Variants in EPHB2 observed in about 807,000 individuals in gnomAD.
EPHB2 encodes the protein EPH receptor B2, also known as ephrin type-B receptor 2.
Under a neutral mutation model 96.4 loss-of-function variants are expected in EPHB2, and 18 were observed. The ratio of observed to expected loss-of-function variants is 0.19; its 90% confidence interval spans 0.13 to 0.28. The LOEUF (loss-of-function observed/expected upper bound fraction) is 0.28. Among genes scored for constraint, EPHB2 ranks in the 10% least tolerant of loss-of-function variants. EPHB2 has a pLI of 1.00. For synonymous variants in EPHB2, 506 were observed against 534.1 expected (o/e 0.95, Z 0.72); for missense variants, 989 against 1,355.4 (o/e 0.73, Z 4.25).
At chr1:22,841,576 T>C (rs986108867) in intron 3 of EPHB2, among the ~76,000 whole-genome samples, 2 of 152,048 alleles carry the variant, frequency 1.3e-5, no homozygotes, top group Non-Finnish European at 2.9e-5. Flanking sequence ...CTCGAGGCTG[T>C]GGGGGTGGAA....
In EPHB2 at chr1:22,785,272, C is replaced by T. The variant is rs145844199; in HGVS notation, c.811+196C>T. ...ACTTGAATATAGCACTTTCTGAAAA[C>T]GATCCGCGCACATGCCGCAGGTGGT... On this transcript the variant is annotated intron_variant, in intron 3 of 15. Coordinates refer to ENST00000374630, the MANE Select transcript of EPHB2 (RefSeq NM_017449.5). Among the ~76,000 whole-genome samples, 402 of 152,326 alleles carry T rather than the reference C, an allele frequency of 2.6e-3. 2 individuals are homozygous for T. The highest frequency in any genetic ancestry group is 9.1e-3 in the African/African-American group (377 of 41,576).
At chr1:22,715,823 GAC>G (rs1643278394) in intron 1 of EPHB2, among the ~76,000 whole-genome samples, 1 of 152,190 alleles carries the variant, frequency 6.6e-6, no homozygotes, top group Non-Finnish European at 1.5e-5. Context: ...GGCGCAAACA[GAC>G]GTGAGTTCAA....
At chr1:22,887,978 C>T (rs1639278017) in intron 6 of EPHB2, among the ~76,000 whole-genome samples, 1 of 152,158 alleles carries the variant, frequency 6.6e-6, no homozygotes, top group African/African-American at 2.4e-5. Flanking sequence ...TGCATTCATC[C>T]ATCCATTTAA....
chr1:22,777,736 TG>T (rs1644472587), intron 1 of EPHB2, among the ~76,000 whole-genome samples: 1 of 151,814 alleles, frequency 6.6e-6, no homozygotes, highest in Non-Finnish European at 1.5e-5. Context: ...ATCTGGGAGG[TG>T]GGGGAGGCCA....
chr1:22,909,146 C>T lies in EPHB2; in HGVS notation c.2477C>T (p.Pro826Leu). 6.2e-7 allele frequency: 1 copy of T among 1,614,186 alleles called. No individual in the cohort carries two copies. The highest frequency in any genetic ancestry group is 8.5e-7 in the Non-Finnish European group (1 of 1,180,038). Residue 826 changes from proline to leucine, a missense_variant, in exon 13 of 16, where the codon CCC becomes CTC. Pro to Leu is a moderately conservative substitution (Grantham distance 98, BLOSUM62 -3). Coordinates refer to ENST00000374630, the MANE Select transcript of EPHB2 (RefSeq NM_017449.5). ...MWEVMSYGERPYWDMTNQDVI... is the reference protein window; with the variant it reads ...MWEVMSYGERLYWDMTNQDVI... ...GAGGTGATGTCCTATGGGGAGCGGC[C>T]CTACTGGGACATGACCAACCAGGAT... is the stretch of plus-strand genomic sequence containing the variant.
At chr1:22,827,602 C>T (rs1423734176) in intron 3 of EPHB2, among the ~76,000 whole-genome samples, 2 of 152,196 alleles carry the variant, frequency 1.3e-5, no homozygotes, top group Non-Finnish European at 2.9e-5. Context: ...TGGCACTTAC[C>T]TCGTGAGGTC....
rs151052329 is a variant in EPHB2 at position 22,798,442 on chromosome 1, C to T, written c.811+13366C>T. Among the ~76,000 whole-genome samples the T allele has an allele frequency of 9.9e-4, 151 of 152,012 alleles. 2 individuals are homozygous for T. The highest frequency in any genetic ancestry group is 3.3e-3 in the African/African-American group (137 of 41,370). On this transcript the variant is annotated intron_variant, in intron 3 of 15. Coordinates refer to ENST00000374630, the MANE Select transcript of EPHB2 (RefSeq NM_017449.5). Reference sequence around the variant, plus strand: ...TCTTGGAGCTAGAGGCCTTAGAGAGCATTTTTCAGTCTTACCCATTTTTTT... The same window carrying T: ...TCTTGGAGCTAGAGGCCTTAGAGAGTATTTTTCAGTCTTACCCATTTTTTT...
intron 15 of EPHB2, 104 bp downstream of exon 15, chr1:22,912,703 A>G (rs934322044): frequency 1.7e-5 from 27 of 1,556,714 alleles, no homozygotes; most frequent in Middle Eastern, 1.7e-4. Context: ...TCATGTCCCA[A>G]TAGGGAAGCA....
At chr1:22,740,903 C>T (rs1643893743) in intron 1 of EPHB2, among the ~76,000 whole-genome samples, 1 of 152,138 alleles carries the variant, frequency 6.6e-6, no homozygotes, top group African/African-American at 2.4e-5. Context: ...GAACCTTCCT[C>T]CCCTGGCTGG....
At chr1:22,887,154 G>A (rs79073090) in intron 6 of EPHB2, among the ~76,000 whole-genome samples, 10,639 of 152,118 alleles carry the variant, frequency 0.07, 512 homozygotes, top group Non-Finnish European at 0.11. Flanking sequence ...TTTAAGGAGG[G>A]GAAGAAAGCG....
At chr1:22,741,397 C>T (rs966407467) in intron 1 of EPHB2, among the ~76,000 whole-genome samples, 1 of 152,120 alleles carries the variant, frequency 6.6e-6, no homozygotes, top group African/African-American at 2.4e-5. Flanking sequence ...GGCTGCCTTC[C>T]TCCAGCCTGC....
At chr1:22,730,941 C>T (rs901468301) in intron 1 of EPHB2, among the ~76,000 whole-genome samples, 1 of 151,994 alleles carries the variant, frequency 6.6e-6, no homozygotes, top group Non-Finnish European at 1.5e-5. Flanking sequence ...AGGCACGAGA[C>T]GGTGGTGGCT....
intron 5 of EPHB2, among the ~76,000 whole-genome samples, chr1:22,879,272 G>A (rs1638950558): frequency 6.6e-6 from 1 of 152,234 alleles, no homozygotes; most frequent in Non-Finnish European, 1.5e-5. Context: ...GAAGCTGTGG[G>A]GAGGCATGGG....
In EPHB2 at chr1:22,916,409, A is replaced by T. The variant is rs1640268769; in HGVS notation, c.*2839A>T. 6.6e-6 allele frequency: 1 copy of T among 152,260 alleles called. No individual in the cohort carries two copies. Among genetic ancestry groups the T allele is most frequent in the Non-Finnish European group, 1.5e-5 (1 of 68,110 alleles). 9.4% of individuals were successfully genotyped at this position (152,260 alleles called of 1,614,324 possible). A position where few individuals can be genotyped will look rare whatever the true frequency, so the allele number is the denominator to read the frequency against. On this transcript the variant is annotated 3_prime_UTR_variant, in exon 16 of 16. Coordinates refer to ENST00000374630, the MANE Select transcript of EPHB2 (RefSeq NM_017449.5). This position sits in a 1 kb window ranked among gnomAD's most constrained non-coding sequence, Gnocchi z 4.2. ...ACCTGCTTCCCAGAGCACAGGTGCT[A>T]CCAGACCTCTGTGTCTCCACTTCAG...
At chr1:22,753,108 TC>T (rs1160290416) in intron 1 of EPHB2, among the ~76,000 whole-genome samples, 2 of 152,168 alleles carry the variant, frequency 1.3e-5, no homozygotes, top group Non-Finnish European at 2.9e-5. Context: ...TCCCATCTGT[TC>T]TTCCAGTCAA....
At chr1:22,723,251 G>A (rs911592580) in intron 1 of EPHB2, among the ~76,000 whole-genome samples, 3 of 152,248 alleles carry the variant, frequency 2.0e-5, no homozygotes, top group Admixed American at 6.5e-5. Context: ...CGCCTCTCAC[G>A]GGGAGGCAGA....
At chr1:22,889,367 AC>A (rs2148561353) in intron 6 of EPHB2, among the ~76,000 whole-genome samples, 1 of 152,142 alleles carries the variant, frequency 6.6e-6, no homozygotes, top group Non-Finnish European at 1.5e-5. Context: ...ACAGAATCTA[AC>A]CTGTTTTCAA....
chr1:22,832,797 T>C (rs972140366), intron 3 of EPHB2, among the ~76,000 whole-genome samples: 6 of 152,136 alleles, frequency 3.9e-5, no homozygotes, highest in Non-Finnish European at 7.3e-5. Context: ...GCCAATACTT[T>C]ATAATAGAAG....
At chr1:22,730,742 A>G (rs1386284449) in intron 1 of EPHB2, among the ~76,000 whole-genome samples, 2 of 151,844 alleles carry the variant, frequency 1.3e-5, no homozygotes, top group Non-Finnish European at 2.9e-5. Context: ...GCCAGGGGAG[A>G]ATGGGAGCAG....
Sources: gnomAD v4.1 joint callset for allele counts (sites outside exome capture counted in the v4.1 genomes callset) on GRCh38, gnomAD v4.1.1 for gene constraint, Gnocchi (gnomAD v3.1) non-coding constraint, MANE v1.5 for transcripts, NCBI Gene and HGNC (gene_info 2026-07-23, HGNC 2026-07-21) for gene names.